The following KMO variants were observed in gnomAD, a reference collection of about 807,000 sequenced individuals.
KMO encodes kynurenine 3-hydroxylase.
Under a neutral mutation model 57.8 loss-of-function variants are expected in KMO, and 24 were observed. The observed-to-expected ratio is 0.42, with a 90% CI of 0.30 to 0.58. KMO has a LOEUF of 0.58. KMO is among the 20% of genes least tolerant of loss of function. KMO has a pLI of 0.22. For missense variants in KMO, 483 were observed against 588.2 expected (o/e 0.82, Z 1.85); for synonymous variants, 210 against 193.6 (o/e 1.08, Z -0.70).
rs183952211 is a variant in KMO at position 241,543,033 on chromosome 1, G to A, written c.55-5796G>A. ...TTGAACCTCCGTTACACAGAATTGCGGTCATATTTATACGAGATCTATTTC... is the reference window on the plus strand; with the variant it reads ...TTGAACCTCCGTTACACAGAATTGCAGTCATATTTATACGAGATCTATTTC... On this transcript the variant is annotated intron_variant, in intron 1 of 14. Transcript: ENST00000366559. Among the ~76,000 whole-genome samples, 393 of 152,072 alleles carry A rather than the reference G, an allele frequency of 2.6e-3. 5 individuals are homozygous for A. The highest frequency in any genetic ancestry group is 8.1e-3 in the African/African-American group (335 of 41,470).
intron 8 of KMO, among the ~76,000 whole-genome samples, chr1:241,566,229 T>C (rs145176685): frequency 2.4e-4 from 37 of 152,174 alleles, no homozygotes; most frequent in Admixed American, 9.2e-4. Context: ...AAAAAGAGTG[T>C]AGTATTTGCT....
intron 10 of KMO, among the ~76,000 whole-genome samples, chr1:241,575,052 C>A (rs1662453787): frequency 6.6e-6 from 1 of 151,790 alleles, no homozygotes; most frequent in South Asian, 2.1e-4. Context: ...AGTATGTATG[C>A]AAAAAGGTGT....
chr1:241,581,184 T>A (rs1662735372), intron 10 of KMO, among the ~76,000 whole-genome samples: 1 of 152,162 alleles, frequency 6.6e-6, no homozygotes, highest in Non-Finnish European at 1.5e-5. Flanking sequence ...GGAATATCTT[T>A]TTCCATCCTT....
intron 6 of KMO, among the ~76,000 whole-genome samples, chr1:241,561,012 T>C (rs1433495192): frequency 6.6e-6 from 1 of 152,144 alleles, no homozygotes; most frequent in Non-Finnish European, 1.5e-5. Flanking sequence ...CTAATGTGCT[T>C]CAAACTCTCT....
Position 241,593,422 on chromosome 1 carries a change from A to C in KMO, c.*1269A>C, listed in dbSNP as rs1192273829. The C allele has an allele frequency of 2.5e-6, 1 of 393,480 alleles. No homozygotes were observed. The highest frequency in any genetic ancestry group is 3.6e-4 in the Middle Eastern group (1 of 2,740). The allele number at this position is 393,480 out of a possible 1,614,324, so 24.4% of individuals were successfully genotyped here. On this transcript the variant is annotated 3_prime_UTR_variant, in exon 15 of 15. Transcript: ENST00000366559. ...ATTAATTATGAAGATGAAACACTAGAGTCATATAAGAAATAAAAATTGGGC... is the reference window on the plus strand; with the variant it reads ...ATTAATTATGAAGATGAAACACTAGCGTCATATAAGAAATAAAAATTGGGC...
Position 241,594,569 on chromosome 1 carries a change from A to C in KMO, c.*2416A>C. On this transcript the variant is annotated 3_prime_UTR_variant, in exon 15 of 15. Transcript: ENST00000366559. ...TCACTTTTTTCTTTGGCCTGTCCCC[A>C]TCTTTCTGTGACATCACAATGGGTC... The C allele has an allele frequency of 1.3e-5, 21 of 1,614,098 alleles. No individual in the cohort carries two copies. Among genetic ancestry groups the C allele is most frequent in the Non-Finnish European group, 1.8e-5 (21 of 1,179,982 alleles).
At chr1:241,572,066 C>T (rs1662309478) in intron 10 of KMO, among the ~76,000 whole-genome samples, 1 of 151,866 alleles carries the variant, frequency 6.6e-6, no homozygotes, top group Admixed American at 6.6e-5. Flanking sequence ...GTGGTTTCAC[C>T]ATGTTGGCCA....
intron 10 of KMO, among the ~76,000 whole-genome samples, chr1:241,576,266 TAGTATTG>T (rs531105882): frequency 2.4e-3 from 372 of 152,200 alleles, no homozygotes; most frequent in Non-Finnish European, 3.5e-3. Flanking sequence ...CGTTCAGCAT[TAGTATTG>T]AGATGTGAGG....
At chr1:241,545,329 A>AAAAT (rs1661104387) in intron 1 of KMO, among the ~76,000 whole-genome samples, 2 of 152,198 alleles carry the variant, frequency 1.3e-5, no homozygotes. Flanking sequence ...TAGGCTTGCC[A>AAAAT]AAATAAATAA....
chr1:241,552,975 A>T (rs933256749), intron 4 of KMO, among the ~76,000 whole-genome samples: 1 of 152,200 alleles, frequency 6.6e-6, no homozygotes, highest in Non-Finnish European at 1.5e-5. Context: ...CAAAATAGAG[A>T]AATGGCTCCC....
chr1:241,532,688 T>C (rs754767999), intron 1 of KMO, among the ~76,000 whole-genome samples, 190 bp downstream of exon 1: 1 of 152,178 alleles, frequency 6.6e-6, no homozygotes, highest in Non-Finnish European at 1.5e-5. Context: ...TGAGTTTTAA[T>C]CTGTTCTTTT....
intron 5 of KMO, among the ~76,000 whole-genome samples, chr1:241,557,746 C>T (rs534527446): frequency 6.6e-5 from 10 of 152,108 alleles, no homozygotes; most frequent in East Asian, 3.9e-4. Context: ...GAGGATGGCT[C>T]GAGCCCAGGA....
At chr1:241,573,723 T>G (rs534594862) in intron 10 of KMO, among the ~76,000 whole-genome samples, 16 of 152,144 alleles carry the variant, frequency 1.1e-4, no homozygotes, top group Non-Finnish European at 1.8e-4. Flanking sequence ...CCTCCAGATT[T>G]GTTCTTTTTG....
chr1:241,594,789 T>A lies in KMO; in HGVS notation c.*2636T>A. 7.0e-7 allele frequency: 1 copy of A among 1,433,304 alleles called. No homozygotes were observed. The highest frequency in any genetic ancestry group is 9.5e-7 in the Non-Finnish European group (1 of 1,055,512). 88.8% of individuals were successfully genotyped at this position (1,433,304 alleles called of 1,614,324 possible). A position where few individuals can be genotyped will look rare whatever the true frequency, so the allele number is the denominator to read the frequency against. On this transcript the variant is annotated 3_prime_UTR_variant, in exon 15 of 15. Coordinates refer to ENST00000366559, the MANE Select transcript of KMO (RefSeq NM_003679.5). ...TCAGTTGAGCTGAATTTAAGTTGTTTTTTGTTTGTTAGCAGGTGTGGATGT... is the reference window on the plus strand; with the variant it reads ...TCAGTTGAGCTGAATTTAAGTTGTTATTTGTTTGTTAGCAGGTGTGGATGT...
At chr1:241,581,813 A>T (rs147689690) in intron 10 of KMO, among the ~76,000 whole-genome samples, 1 of 152,262 alleles carries the variant, frequency 6.6e-6, no homozygotes, top group East Asian at 1.9e-4. Flanking sequence ...CTGCAGTTAC[A>T]GTGTTAATAG....
At chr1:241,570,932 T>C (rs577569833) in intron 10 of KMO, among the ~76,000 whole-genome samples, 4 of 152,122 alleles carry the variant, frequency 2.6e-5, no homozygotes, top group African/African-American at 4.8e-5. Flanking sequence ...ATATCTTTCC[T>C]TTTTTTGTGT....
chr1:241,567,863 T>C (rs1024851822), intron 9 of KMO, among the ~76,000 whole-genome samples: 2 of 152,204 alleles, frequency 1.3e-5, no homozygotes, highest in African/African-American at 4.8e-5. Context: ...AGATTTAAGA[T>C]TCTTGAGGCT....
At chr1:241,587,190 T>C (rs980089465) in intron 11 of KMO, among the ~76,000 whole-genome samples, 2 of 152,208 alleles carry the variant, frequency 1.3e-5, no homozygotes, top group African/African-American at 4.8e-5. Context: ...CTTCAGGCGT[T>C]AGTTGGATTC....
chr1:241,569,294 T>C (rs1460407139), intron 10 of KMO, among the ~76,000 whole-genome samples: 2 of 152,116 alleles, frequency 1.3e-5, no homozygotes, highest in Non-Finnish European at 2.9e-5. Flanking sequence ...TTTGTATCCA[T>C]TAACTATCTC....
Sources: gnomAD v4.1 joint callset for allele counts (sites outside exome capture counted in the v4.1 genomes callset) on GRCh38, gnomAD v4.1.1 for gene constraint, MANE v1.5 for transcripts, NCBI Gene and HGNC (gene_info 2026-07-23, HGNC 2026-07-21) for gene names.